Variants in GABRG1 observed in about 807,000 individuals in gnomAD.
GABRG1 encodes the protein gamma-aminobutyric acid type A receptor subunit gamma1.
In GABRG1, 49 loss-of-function variants were observed where a neutral mutation model predicts 49.8. The observed-to-expected ratio is 0.98, with a 90% CI of 0.78 to 1.25. GABRG1 has a LOEUF of 1.25. GABRG1 is among the 50% of genes most tolerant of loss of function. GABRG1 has a pLI of 0.00. For synonymous variants in GABRG1, 232 were observed against 185.1 expected (o/e 1.25, Z -2.06); for missense variants, 552 against 552.3 (o/e 1.00, Z 0.01).
chr4:46,051,864 T>C (rs1005288309), intron 7 of GABRG1, among the ~76,000 whole-genome samples: 1 of 151,872 alleles, frequency 6.6e-6, no homozygotes, highest in African/African-American at 2.4e-5. Context: ...GCAAGTTGAC[T>C]CCTGATATCC....
chr4:46,093,269 C>T lies in GABRG1; in HGVS notation c.253+3932G>A, dbSNP rs569105984. On this transcript the variant is annotated intron_variant, in intron 2 of 8. Coordinates refer to ENST00000295452, the MANE Select transcript of GABRG1 (RefSeq NM_173536.4). The stretch of plus-strand genomic sequence containing the variant: ...ATGTATACAATTGAGTACCATTCAC[C>T]CACAAAAAAAAGGATAAGATTCTGT... Among the ~76,000 whole-genome samples the T allele has an allele frequency of 7.9e-5, 12 of 151,806 alleles. 1 individual carries two copies. The highest frequency in any genetic ancestry group is 3.3e-4 in the Admixed American group (5 of 15,212).
intron 3 of GABRG1, 33 bp downstream of exon 3, chr4:46,083,953 T>C: frequency 8.7e-7 from 1 of 1,152,474 alleles, no homozygotes; most frequent in Non-Finnish European, 1.3e-6. Flanking sequence ...GAGATCTCTG[T>C]GGCAGTTATT....
chr4:46,104,221 CCTA>C (rs1720466225), intron 1 of GABRG1, among the ~76,000 whole-genome samples: 1 of 151,364 alleles, frequency 6.6e-6, no homozygotes, highest in African/African-American at 2.4e-5. Flanking sequence ...AGAAATGACT[CCTA>C]CTCAAAACAT....
chr4:46,050,010 G>A (rs1286718082), intron 8 of GABRG1, among the ~76,000 whole-genome samples: 2 of 151,738 alleles, frequency 1.3e-5, no homozygotes, highest in African/African-American at 2.4e-5. Flanking sequence ...AACTTTCAAG[G>A]CAATAATCCA....
chr4:46,093,604 G>T (rs1265299896), intron 2 of GABRG1, among the ~76,000 whole-genome samples: 1 of 151,832 alleles, frequency 6.6e-6, no homozygotes, highest in African/African-American at 2.4e-5. Context: ...TAACTGGAAT[G>T]TTCATACCAA....
intron 1 of GABRG1, among the ~76,000 whole-genome samples, chr4:46,122,150 A>G (rs902821117): frequency 2.6e-5 from 4 of 152,044 alleles, no homozygotes; most frequent in African/African-American, 2.4e-5. Flanking sequence ...CCTTCAGCAC[A>G]TATCTCTTCA....
Position 46,123,954 on chromosome 4 carries a change from C to A in GABRG1, c.-41G>T. On this transcript the variant is annotated 5_prime_UTR_variant, in exon 1 of 9. Coordinates refer to ENST00000295452, the MANE Select transcript of GABRG1 (RefSeq NM_173536.4). ...ACGTGTGCTGCACTAGCTCAATTCT[C>A]CCAGCCAGGACTTTTCCTCCCACCT... 1 of 1,488,586 alleles carries A rather than the reference C, an allele frequency of 6.7e-7. No individual in the cohort carries two copies. The highest frequency in any genetic ancestry group is 1.4e-5 in the African/African-American group (1 of 72,446). The allele number at this position is 1,488,586 out of a possible 1,614,324, so 92.2% of individuals were successfully genotyped here.
intron 1 of GABRG1, among the ~76,000 whole-genome samples, chr4:46,097,989 G>GGAGGAA (rs1192215055): frequency 6.6e-6 from 1 of 151,564 alleles, no homozygotes; most frequent in Non-Finnish European, 1.5e-5. Context: ...TTTGGGAGGA[G>GGAGGAA]GCATAACTAT....
intron 1 of GABRG1, among the ~76,000 whole-genome samples, chr4:46,115,413 A>G (rs529552595): frequency 2.0e-5 from 3 of 150,850 alleles, no homozygotes; most frequent in African/African-American, 7.3e-5. Context: ...CCCACCTTAC[A>G]CAGTAAATTG....
chr4:46,085,043 G>T (rs1302852555), intron 2 of GABRG1, among the ~76,000 whole-genome samples: 2 of 151,452 alleles, frequency 1.3e-5, no homozygotes, highest in African/African-American at 4.8e-5. Context: ...CTTATAAGTA[G>T]TTATAACTGG....
intron 1 of GABRG1, among the ~76,000 whole-genome samples, chr4:46,122,380 A>G (rs1461322499): frequency 6.6e-6 from 1 of 152,108 alleles, no homozygotes. Context: ...CTTTTGTAAT[A>G]TTATGATGTA....
intron 1 of GABRG1, among the ~76,000 whole-genome samples, chr4:46,113,459 T>A (rs1451966975): frequency 6.6e-6 from 1 of 150,968 alleles, no homozygotes; most frequent in Non-Finnish European, 1.5e-5. Flanking sequence ...CTGGTCTCTC[T>A]CTTGACACTT....
chr4:46,063,059 G>A (rs1718764462), intron 5 of GABRG1, among the ~76,000 whole-genome samples: 3 of 150,606 alleles, frequency 2.0e-5, no homozygotes, highest in Non-Finnish European at 3.0e-5. Context: ...CTCATGGGTA[G>A]GAAGAATCAA....
intron 2 of GABRG1, among the ~76,000 whole-genome samples, chr4:46,086,861 T>C (rs1719777942): frequency 6.6e-6 from 1 of 151,712 alleles, no homozygotes; most frequent in Non-Finnish European, 1.5e-5. Flanking sequence ...CAAATTTCTA[T>C]GAATATTTTC....
intron 7 of GABRG1, among the ~76,000 whole-genome samples, chr4:46,052,364 T>C (rs1405623169): frequency 1.3e-5 from 2 of 151,944 alleles, no homozygotes; most frequent in Non-Finnish European, 2.9e-5. Context: ...ACATAGCTTT[T>C]TGTTATATAA....
At chr4:46,075,954 G>A (rs1280523581) in intron 3 of GABRG1, among the ~76,000 whole-genome samples, 2 of 152,074 alleles carry the variant, frequency 1.3e-5, no homozygotes, top group Admixed American at 6.6e-5. Context: ...GATTCAGGAG[G>A]GTGGAGTGGC....
chr4:46,119,476 T>C (rs763226481), intron 1 of GABRG1, among the ~76,000 whole-genome samples: 1 of 151,560 alleles, frequency 6.6e-6, no homozygotes, highest in African/African-American at 2.4e-5. Context: ...GTTTTTCCCC[T>C]GTTTTTCCAT....
chr4:46,055,972 G>A (rs1718406178), intron 7 of GABRG1, among the ~76,000 whole-genome samples: 2 of 15,676 alleles, frequency 1.3e-4, no homozygotes, highest in South Asian at 1.6e-3. Context: ...GGGGAGGGGG[G>A]AGGGATAGCA....
At chr4:46,099,216 T>G (rs1014003551) in intron 1 of GABRG1, among the ~76,000 whole-genome samples, 1 of 151,682 alleles carries the variant, frequency 6.6e-6, no homozygotes, top group Non-Finnish European at 1.5e-5. Flanking sequence ...CCCTGTCCTG[T>G]TGAACTCAGG....
Sources: gnomAD v4.1 joint callset for allele counts (sites outside exome capture counted in the v4.1 genomes callset) on GRCh38, gnomAD v4.1.1 for gene constraint, MANE v1.5 for transcripts, NCBI Gene and HGNC (gene_info 2026-07-23, HGNC 2026-07-21) for gene names.